Variants in GRIK3 observed in about 807,000 individuals in gnomAD.
GRIK3 encodes the protein glutamate receptor ionotropic, kainate 3.
A neutral mutation model predicts 102.5 loss-of-function variants in GRIK3; 29 were observed. The observed-to-expected ratio is 0.28, with a 90% CI of 0.21 to 0.39. The LOEUF is 0.39. Ranked by LOEUF, GRIK3 falls within the 10% of genes least tolerant of loss-of-function variation. The probability of loss-of-function intolerance (pLI) is 1.00; values close to 1 mark genes in which losing one functional copy is unlikely to be tolerated. For missense variants in GRIK3, 908 were observed against 1,252.4 expected (o/e 0.73, Z 4.15); for synonymous variants, 511 against 504.9 (o/e 1.01, Z -0.16).
intron 1 of GRIK3, among the ~76,000 whole-genome samples, chr1:36,960,194 A>G (rs1641989903): frequency 8.1e-6 from 1 of 122,714 alleles, no homozygotes; most frequent in African/African-American, 3.2e-5. Context: ...TGTGCCCCCG[A>G]GCCTCTGTGA....
intron 1 of GRIK3, among the ~76,000 whole-genome samples, chr1:36,894,441 C>T (rs950177218): frequency 6.6e-6 from 1 of 152,134 alleles, no homozygotes; most frequent in Non-Finnish European, 1.5e-5. Flanking sequence ...TTTGAAAATT[C>T]TAAAAAGTAG....
chr1:36,827,288 C>T (rs943822195), intron 10 of GRIK3, among the ~76,000 whole-genome samples: 1 of 152,192 alleles, frequency 6.6e-6, no homozygotes, highest in African/African-American at 2.4e-5. Context: ...TAATTAATAA[C>T]CTTCCCCTCT....
At chr1:36,913,362 G>C (rs1398137658) in intron 1 of GRIK3, among the ~76,000 whole-genome samples, 3 of 152,138 alleles carry the variant, frequency 2.0e-5, no homozygotes. Context: ...CAGAGGCGAG[G>C]GTCAGGGGAG....
At chr1:36,982,982 T>C (rs187412428) in intron 1 of GRIK3, among the ~76,000 whole-genome samples, 2 of 152,314 alleles carry the variant, frequency 1.3e-5, no homozygotes, top group African/African-American at 4.8e-5. Context: ...GAGCGAGCCC[T>C]GGCCGAGCCC....
chr1:36,983,167 C>T (rs1642267982), intron 1 of GRIK3, among the ~76,000 whole-genome samples: 1 of 152,176 alleles, frequency 6.6e-6, no homozygotes. Flanking sequence ...GACACCGACA[C>T]CGAGGACTGC....
chr1:36,964,472 G>A (rs550809910), intron 1 of GRIK3, among the ~76,000 whole-genome samples: 9 of 152,292 alleles, frequency 5.9e-5, no homozygotes, highest in Admixed American at 3.9e-4. Context: ...CCGGCCACTG[G>A]AAACCGAACC....
chr1:36,899,626 T>G (rs1641211219), intron 1 of GRIK3, among the ~76,000 whole-genome samples: 1 of 152,190 alleles, frequency 6.6e-6, no homozygotes, highest in Non-Finnish European at 1.5e-5. Context: ...TGCACAACAT[T>G]ATGAATGTAT....
intron 1 of GRIK3, among the ~76,000 whole-genome samples, chr1:37,027,704 C>A (rs1259314715): frequency 7.9e-5 from 12 of 152,200 alleles, no homozygotes; most frequent in Non-Finnish European, 1.5e-5. Context: ...GGAGGCCCTG[C>A]AAAGTAACAT....
At chr1:36,917,907 TACCCCC>T (rs1469930592) in intron 1 of GRIK3, among the ~76,000 whole-genome samples, 3 of 152,158 alleles carry the variant, frequency 2.0e-5, no homozygotes, top group African/African-American at 7.2e-5. Context: ...GAAGGACTCA[TACCCCC>T]ACCCCCAGTC....
At chr1:36,861,567 A>G (rs1346702696) in intron 5 of GRIK3, among the ~76,000 whole-genome samples, 1 of 152,180 alleles carries the variant, frequency 6.6e-6, no homozygotes, top group African/African-American at 2.4e-5. Context: ...ACAATGACTC[A>G]TGGAAGGATG....
intron 1 of GRIK3, among the ~76,000 whole-genome samples, chr1:36,946,156 G>A (rs558121927): frequency 6.7e-6 from 1 of 149,732 alleles, no homozygotes; most frequent in Admixed American, 6.5e-5. Context: ...TGAGGCCCAG[G>A]CCAGGGGACA....
chr1:36,953,129 G>A (rs1194444423), intron 1 of GRIK3, among the ~76,000 whole-genome samples: 3 of 152,200 alleles, frequency 2.0e-5, no homozygotes, highest in Non-Finnish European at 4.4e-5. Flanking sequence ...CCATGTCTGT[G>A]CAGACACAAC....
intron 5 of GRIK3, among the ~76,000 whole-genome samples, chr1:36,865,886 T>C (rs941263113): frequency 1.3e-5 from 2 of 151,938 alleles, no homozygotes; most frequent in Non-Finnish European, 2.9e-5. Context: ...TCTTCTTGCT[T>C]TCTTTTTTAA....
chr1:36,887,381 A>G (rs534281480), intron 2 of GRIK3, among the ~76,000 whole-genome samples: 1 of 152,364 alleles, frequency 6.6e-6, no homozygotes, highest in African/African-American at 2.4e-5. Context: ...AGAAACTGTT[A>G]AGAGAATGTA....
Position 36,806,927 on chromosome 1 carries a change from A to T in GRIK3, c.2092-601T>A, listed in dbSNP as rs190283482. On this transcript the variant is annotated intron_variant, in intron 13 of 15. Transcript: ENST00000373091. The surrounding 1 kb of genome is among the most constrained non-coding windows in gnomAD (Gnocchi z 4.0). ...ACAGCTGCTCATCGGGGCAAAGCTGAGTGGGTCCTGGGCCTCCCCTTTCAC... is the reference window on the plus strand; with the variant it reads ...ACAGCTGCTCATCGGGGCAAAGCTGTGTGGGTCCTGGGCCTCCCCTTTCAC... Among the ~76,000 whole-genome samples, 1 of 152,142 alleles carries T rather than the reference A, an allele frequency of 6.6e-6. No homozygotes were observed. Among genetic ancestry groups the T allele is most frequent in the African/African-American group, 2.4e-5 (1 of 41,416 alleles).
chr1:36,869,166 G>A (rs1410397984), intron 5 of GRIK3, among the ~76,000 whole-genome samples: 1 of 152,174 alleles, frequency 6.6e-6, no homozygotes, highest in Non-Finnish European at 1.5e-5. Context: ...GGTTTAAATG[G>A]CCCTAAATGT....
chr1:37,024,429 T>G (rs1642746058), intron 1 of GRIK3, among the ~76,000 whole-genome samples: 1 of 145,538 alleles, frequency 6.9e-6, no homozygotes, highest in South Asian at 2.2e-4. Context: ...ACAAAAACCC[T>G]GTGAGGCAGG....
intron 8 of GRIK3, among the ~76,000 whole-genome samples, chr1:36,853,190 C>T (rs1422187102): frequency 1.3e-5 from 2 of 152,244 alleles, no homozygotes; most frequent in Admixed American, 1.3e-4. Context: ...TCACTACTCA[C>T]AGGGGAGATA....
At chr1:36,866,608 T>C (rs2124247608) in intron 5 of GRIK3, among the ~76,000 whole-genome samples, 1 of 152,308 alleles carries the variant, frequency 6.6e-6, no homozygotes, top group Middle Eastern at 3.4e-3. Flanking sequence ...TTCTAAGCAT[T>C]TTATGACGTC....
Sources: gnomAD v4.1 joint callset for allele counts (sites outside exome capture counted in the v4.1 genomes callset) on GRCh38, gnomAD v4.1.1 for gene constraint, Gnocchi (gnomAD v3.1) non-coding constraint, MANE v1.5 for transcripts, NCBI Gene and HGNC (gene_info 2026-07-23, HGNC 2026-07-21) for gene names.